SNCAIP: variants seen among roughly 807,000 people sequenced by gnomAD.
The protein encoded by SNCAIP is synphilin-1.
A neutral mutation model predicts 86.7 loss-of-function variants in SNCAIP; 43 were observed. That is an observed-to-expected ratio of 0.50 (90% CI 0.39 to 0.64). The LOEUF (loss-of-function observed/expected upper bound fraction) is 0.64, where lower values mean the gene tolerates loss of function less well. Among genes scored for constraint, SNCAIP ranks in the 30% least tolerant of loss-of-function variants. The probability of loss-of-function intolerance (pLI) is 0.00; values close to 1 mark genes in which losing one functional copy is unlikely to be tolerated. For synonymous variants in SNCAIP, 417 were observed against 427.2 expected, an observed-to-expected ratio of 0.98 and a Z score of 0.29; for missense variants, 981 against 1,103.1, an observed-to-expected ratio of 0.89 and a Z score of 1.57.
At chr5:122,319,278 C>T (rs1752462590) in intron 1 of SNCAIP, among the ~76,000 whole-genome samples, 1 of 151,834 alleles carries the variant, frequency 6.6e-6, no homozygotes, top group African/African-American at 2.4e-5. Context: ...GTAAGGGCTC[C>T]AGTACTATTG....
At chr5:122,412,814 A>G (rs1448592205) in intron 3 of SNCAIP, among the ~76,000 whole-genome samples, 2 of 152,196 alleles carry the variant, frequency 1.3e-5, no homozygotes, top group East Asian at 3.9e-4. Flanking sequence ...TCCTCAGTGA[A>G]CTGCACTCTG....
chr5:122,391,412 C>T (rs1460113834), intron 2 of SNCAIP, among the ~76,000 whole-genome samples: 1 of 152,160 alleles, frequency 6.6e-6, no homozygotes, highest in Non-Finnish European at 1.5e-5. Flanking sequence ...AGTCATTTAA[C>T]TTCAATGAGG....
chr5:122,463,804 A>G lies in SNCAIP; in HGVS notation c.*308A>G. 2.8e-6 allele frequency: 1 copy of G among 357,552 alleles called. No individual in the cohort carries two copies. The highest frequency in any genetic ancestry group is 5.0e-6 in the Non-Finnish European group (1 of 199,042). 22.1% of individuals were successfully genotyped at this position (357,552 alleles called of 1,614,324 possible). ...TGCCGTTTAAAAGCATGATTGGGAA[A>G]ATGTATGTTTTTTAAGAGTAGATTG... On this transcript the variant is annotated 3_prime_UTR_variant, in exon 11 of 11. Coordinates refer to ENST00000261368, the MANE Select transcript of SNCAIP (RefSeq NM_005460.4).
chr5:122,401,188 G>C, intron 2 of SNCAIP: 1 of 1,458,790 alleles, frequency 6.9e-7, no homozygotes, highest in Non-Finnish European at 9.2e-7. Flanking sequence ...TGGGATGAAG[G>C]CCTGGGAAGC....
Position 122,312,282 on chromosome 5 carries a change from CG to C in SNCAIP, c.-47+1del, listed in dbSNP as rs1750730836. ...TGAGCCGCCGGCGCGCCGGGCGCCC[CG>C]GGTGAGTCCAGGTCCCAAGCGGACG... On this transcript the variant is annotated splice_region_variant and 5_prime_UTR_variant, in exon 1 of 11. Coordinates refer to ENST00000261368, the MANE Select transcript of SNCAIP (RefSeq NM_005460.4). The C allele has an allele frequency of 6.6e-6, 1 of 150,780 alleles. No individual in the cohort carries two copies. The highest frequency in any genetic ancestry group is 6.6e-5 in the Admixed American group (1 of 15,194). 9.3% of individuals were successfully genotyped at this position (150,780 alleles called of 1,614,324 possible). A position where few individuals can be genotyped will look rare whatever the true frequency, so the allele number is the denominator to read the frequency against.
At chr5:122,397,378 G>A (rs953216103) in intron 2 of SNCAIP, among the ~76,000 whole-genome samples, 1 of 151,948 alleles carries the variant, frequency 6.6e-6, no homozygotes, top group African/African-American at 2.4e-5. Flanking sequence ...TTCATCTCTT[G>A]CCTGACTACA....
intron 6 of SNCAIP, 138 bp from the exon 7 acceptor site, chr5:122,440,491 C>G: frequency 1.3e-6 from 1 of 798,696 alleles, no homozygotes; most frequent in Non-Finnish European, 2.1e-6. Context: ...CAATTCACAT[C>G]TGAATGAGAA....
intron 8 of SNCAIP, among the ~76,000 whole-genome samples, chr5:122,445,136 C>T (rs1340990862): frequency 1.3e-5 from 2 of 152,146 alleles, no homozygotes; most frequent in African/African-American, 4.8e-5. Flanking sequence ...TAGAGATGGA[C>T]CAATTTCCCA....
At chr5:122,395,853 C>G (rs1232165593) in intron 2 of SNCAIP, among the ~76,000 whole-genome samples, 1 of 152,120 alleles carries the variant, frequency 6.6e-6, no homozygotes, top group Non-Finnish European at 1.5e-5. Context: ...ACCTAGCCTC[C>G]CCTTCTCTCT....
At chr5:122,375,951 G>T (rs760335513) in intron 1 of SNCAIP, among the ~76,000 whole-genome samples, 14 of 152,028 alleles carry the variant, frequency 9.2e-5, no homozygotes, top group Non-Finnish European at 1.8e-4. Context: ...CAAAGCTGAG[G>T]ATAGCCATTA....
chr5:122,370,901 G>GTT (rs1764141319), intron 1 of SNCAIP, among the ~76,000 whole-genome samples: 1 of 152,134 alleles, frequency 6.6e-6, no homozygotes, highest in Non-Finnish European at 1.5e-5. Context: ...GTGGAAATTT[G>GTT]AGAAATAGCA....
chr5:122,385,072 G>A (rs766721483), intron 1 of SNCAIP, among the ~76,000 whole-genome samples: 5 of 152,234 alleles, frequency 3.3e-5, no homozygotes, highest in Non-Finnish European at 4.4e-5. Flanking sequence ...TCCATCCTTC[G>A]GCTTTCAGCT....
chr5:122,341,816 T>C (rs763119609), intron 1 of SNCAIP, among the ~76,000 whole-genome samples: 2 of 152,132 alleles, frequency 1.3e-5, no homozygotes, highest in Non-Finnish European at 2.9e-5. Context: ...AGGAGATTCT[T>C]GGGATGTGGT....
intron 3 of SNCAIP, among the ~76,000 whole-genome samples, chr5:122,408,317 G>A (rs999750972): frequency 2.0e-5 from 3 of 152,160 alleles, no homozygotes; most frequent in African/African-American, 7.2e-5. Flanking sequence ...GTCCTCAGAG[G>A]AGCTAGAGTG....
chr5:122,414,146 C>G lies in SNCAIP; in HGVS notation c.131-8722C>G, dbSNP rs1050031552. ...CTGGTCTCAAATTTCTGGCTTTAGGCAGTCTTCCTGCCTCAACCCCCCAAA... is the reference window on the plus strand; with the variant it reads ...CTGGTCTCAAATTTCTGGCTTTAGGGAGTCTTCCTGCCTCAACCCCCCAAA... On this transcript the variant is annotated intron_variant, in intron 3 of 10. Transcript: ENST00000261368. Among the ~76,000 whole-genome samples the G allele has an allele frequency of 2.0e-5, 3 of 151,792 alleles. No individual in the cohort carries two copies. The South Asian group carries it at 6.3e-4, about 32-fold the overall frequency.
At chr5:122,405,980 G>A (rs752908369) in intron 3 of SNCAIP, among the ~76,000 whole-genome samples, 1 of 152,138 alleles carries the variant, frequency 6.6e-6, no homozygotes, top group Non-Finnish European at 1.5e-5. Flanking sequence ...GACCTGACAG[G>A]AAATGGATTA....
intron 1 of SNCAIP, among the ~76,000 whole-genome samples, chr5:122,329,572 G>T (rs140190955): frequency 4.7e-4 from 72 of 152,228 alleles, no homozygotes; most frequent in African/African-American, 1.7e-3. Context: ...TAAATGAAAA[G>T]ACAGCCCAGC....
chr5:122,356,713 C>T (rs190624017), intron 1 of SNCAIP, among the ~76,000 whole-genome samples: 20 of 152,248 alleles, frequency 1.3e-4, no homozygotes, highest in African/African-American at 4.6e-4. Flanking sequence ...TCAATGCCTC[C>T]CTTTCCTTCC....
At chr5:122,316,088 G>A (rs548837031) in intron 1 of SNCAIP, among the ~76,000 whole-genome samples, 10 of 152,294 alleles carry the variant, frequency 6.6e-5, no homozygotes, top group African/African-American at 2.2e-4. Context: ...GAATGTCAAA[G>A]TACTTTATAA....
Sources: gnomAD v4.1 joint callset for allele counts (sites outside exome capture counted in the v4.1 genomes callset) on GRCh38, gnomAD v4.1.1 for gene constraint, MANE v1.5 for transcripts, NCBI Gene and HGNC (gene_info 2026-07-23, HGNC 2026-07-21) for gene names.